The following LRPAP1 variants were observed in gnomAD, a reference collection of about 807,000 sequenced individuals.
LRPAP1 encodes the protein LDL receptor related protein associated protein 1.
Under a neutral mutation model 39.9 loss-of-function variants are expected in LRPAP1, and 41 were observed. That is an observed-to-expected ratio of 1.03 (90% CI 0.80 to 1.33). The LOEUF (loss-of-function observed/expected upper bound fraction) is 1.33, where lower values mean the gene tolerates loss of function less well. LRPAP1 is among the 40% of genes most tolerant of loss of function. The probability of loss-of-function intolerance (pLI) is 0.00; values close to 1 mark genes in which losing one functional copy is unlikely to be tolerated. For missense variants in LRPAP1, 565 were observed against 482.3 expected (o/e 1.17, Z -1.61); for synonymous variants, 263 against 212.7 (o/e 1.24, Z -2.06).
Position 3,503,888 on chromosome 4 carries a change from G to A in LRPAP1, c.*9086C>T, listed in dbSNP as rs902648038. 2 of 152,342 alleles carry A rather than the reference G, an allele frequency of 1.3e-5. No homozygotes were observed. The highest frequency in any genetic ancestry group is 4.8e-5 in the African/African-American group (2 of 41,470). 9.4% of individuals were successfully genotyped at this position (152,342 alleles called of 1,614,324 possible). On this transcript the variant is annotated 3_prime_UTR_variant, in exon 8 of 8. Transcript: ENST00000650182. The stretch of plus-strand genomic sequence containing the variant: ...ACAAGCCAGGAAGGTAGAAACAAGG[G>A]AGAAGTGAGGGACCCAGGGGCCCAG...
rs1282352063 is a variant in LRPAP1 at position 3,511,392 on chromosome 4, G to A, written c.*1582C>T. On this transcript the variant is annotated 3_prime_UTR_variant, in exon 8 of 8. Transcript: ENST00000650182. ...TGGAATACTATACAGCAATGAAAAG[G>A]AACACACTTCTGCTAGATGACAGGG... The A allele has an allele frequency of 6.6e-6, 1 of 152,088 alleles. No homozygotes were observed. Among genetic ancestry groups the A allele is most frequent in the Non-Finnish European group, 1.5e-5 (1 of 68,052 alleles). The allele number at this position is 152,088 out of a possible 1,614,324, so 9.4% of individuals were successfully genotyped here.
At chr4:3,518,352 G>A (rs867733914) in intron 4 of LRPAP1, among the ~76,000 whole-genome samples, 160 bp from the exon 5 acceptor site, 26 of 149,510 alleles carry the variant, frequency 1.7e-4, no homozygotes, top group Admixed American at 2.7e-4. Flanking sequence ...AGAAACGACC[G>A]TTGGCACAGC....
At chr4:3,514,987 G>T in intron 6 of LRPAP1, 59 bp from the exon 7 acceptor site, 1 of 1,579,716 alleles carries the variant, frequency 6.3e-7, no homozygotes, top group Non-Finnish European at 8.6e-7. Context: ...GCCATCTTGT[G>T]GTCCCGGGTG....
Position 3,507,014 on chromosome 4 carries a change from C to T in LRPAP1, c.*5960G>A, listed in dbSNP as rs563754932. 6.6e-4 allele frequency: 100 copies of T among 152,298 alleles called. No individual in the cohort carries two copies. The highest frequency in any genetic ancestry group is 2.4e-3 in the African/African-American group (98 of 41,534). 9.4% of individuals were successfully genotyped at this position (152,298 alleles called of 1,614,324 possible). ...GGTGAATCACTTGAGACCAGGACTC[C>T]GAGACCAGCCTGGGCAACACAGCGA... is the stretch of plus-strand genomic sequence containing the variant. On this transcript the variant is annotated 3_prime_UTR_variant, in exon 8 of 8. Transcript: ENST00000650182.
At chr4:3,520,847 C>T (rs1307330193) in intron 2 of LRPAP1, among the ~76,000 whole-genome samples, 1 of 152,226 alleles carries the variant, frequency 6.6e-6, no homozygotes, top group African/African-American at 2.4e-5. Context: ...TAGGATCTGC[C>T]CACGTGGTGC....
At chr4:3,527,243 C>T (rs1299084472) in intron 1 of LRPAP1, among the ~76,000 whole-genome samples, 1 of 152,164 alleles carries the variant, frequency 6.6e-6, no homozygotes, top group Non-Finnish European at 1.5e-5. Flanking sequence ...CAGCCCCATC[C>T]ACCCAGCCCC....
In LRPAP1 at chr4:3,520,308, T is replaced by A. The variant is rs999416752; in HGVS notation, c.350-115A>T. On this transcript the variant is annotated intron_variant, in intron 2 of 7. Transcript: ENST00000650182. ...AGGTTTGCCTCTCATTTTCCAGTAGTTTCCTTTCACCTGTTTCCTGGATGA... is the reference window on the plus strand; with the variant it reads ...AGGTTTGCCTCTCATTTTCCAGTAGATTCCTTTCACCTGTTTCCTGGATGA... The A allele has an allele frequency of 9.0e-6, 10 of 1,111,596 alleles. No individual in the cohort carries two copies. The Admixed American group carries it at 2.2e-4, about 25-fold the overall frequency. 68.9% of individuals were successfully genotyped at this position (1,111,596 alleles called of 1,614,324 possible). A position where few individuals can be genotyped will look rare whatever the true frequency, so the allele number is the denominator to read the frequency against.
At chr4:3,518,296 A>G in intron 4 of LRPAP1, 104 bp from the exon 5 acceptor site, 3 of 1,252,842 alleles carry the variant, frequency 2.4e-6, no homozygotes, top group Non-Finnish European at 3.3e-6. Context: ...ACTCGCTCTC[A>G]TTTCTGGGCT....
intron 2 of LRPAP1, among the ~76,000 whole-genome samples, chr4:3,522,476 C>A (rs1231921738): frequency 2.4e-5 from 3 of 126,482 alleles, no homozygotes; most frequent in Non-Finnish European, 5.2e-5. Context: ...GCCCTTAGAG[C>A]TCCTGGGGAG....
intron 5 of LRPAP1, among the ~76,000 whole-genome samples, chr4:3,517,249 T>G (rs1385172899): frequency 6.6e-6 from 1 of 152,226 alleles, no homozygotes; most frequent in East Asian, 1.9e-4. Flanking sequence ...GTGGACACAT[T>G]TGACTGCTGT....
At chr4:3,516,023 C>CT in intron 6 of LRPAP1, 93 bp downstream of exon 6, 3 of 1,214,670 alleles carry the variant, frequency 2.5e-6, no homozygotes, top group Non-Finnish European at 2.4e-6. Context: ...AGAGAGAGAG[C>CT]TTGGAGGAGA....
At chr4:3,519,150 C>T (rs186121275) in intron 3 of LRPAP1, among the ~76,000 whole-genome samples, 159 bp from the exon 4 acceptor site, 86 of 152,306 alleles carry the variant, frequency 5.6e-4, no homozygotes, top group Middle Eastern at 3.4e-3. Context: ...AAAAACAAAC[C>T]GGAGAAGAGC....
chr4:3,516,115 C>A lies in LRPAP1; in HGVS notation c.834+1G>T, dbSNP rs769691336. 4 of 1,570,322 alleles carry A rather than the reference C, an allele frequency of 2.5e-6. No homozygotes were observed. Among genetic ancestry groups the A allele is most frequent in the East Asian group, 4.6e-5 (2 of 43,246 alleles). ...AGAAGGAGAGGGCCGTGTTTCCTTA[C>A]CCGGAACGCCTCCAGCTCCTTGTCC... On this transcript the variant is annotated splice_donor_variant, in intron 6 of 7. Coordinates refer to ENST00000650182, the MANE Select transcript of LRPAP1 (RefSeq NM_002337.4). LOFTEE classifies it high-confidence loss of function.
In LRPAP1 at chr4:3,532,397, C is replaced by T. The variant is rs972906233; in HGVS notation, c.16G>A (p.Val6Ile). 6.3e-6 allele frequency: 10 copies of T among 1,577,796 alleles called. No homozygotes were observed. The highest frequency in any genetic ancestry group is 2.7e-5 in the African/African-American group (2 of 74,252). Reference sequence around the variant, plus strand: ...GGGAGCCCGCGCAGAAACGACCTGACCCTCCGCGGCGCCATCTTCCTCTGC... The same window carrying T: ...GGGAGCCCGCGCAGAAACGACCTGATCCTCCGCGGCGCCATCTTCCTCTGC... MAPRR[V>I]RSFLRGLPAL... Residue 6 changes from valine (V) to isoleucine (I), a missense_variant, in exon 1 of 8, where the codon GTC (valine) becomes ATC (isoleucine). Physicochemically the swap from Val to Ile is conservative, Grantham distance 29 (BLOSUM62 3). Transcript: ENST00000650182.
chr4:3,530,391 C>A (rs984500622), intron 1 of LRPAP1, among the ~76,000 whole-genome samples: 1 of 152,238 alleles, frequency 6.6e-6, no homozygotes, highest in African/African-American at 2.4e-5. Flanking sequence ...TAGTACCAGG[C>A]TCTCTGGAAT....
At position 3,532,405 on chromosome 4, in the gene LRPAP1, G is replaced by GGCGCCATCTTCCTCTGCGACTGGCGCT; in HGVS notation, c.7_8insAGCGCCAGTCGCAGAGGAAGATGGCGC (p.Ala2_Pro3insGlnArgGlnSerGlnArgLysMetAla). The GGCGCCATCTTCCTCTGCGACTGGCGCT allele has an allele frequency of 1.9e-6, 3 of 1,571,650 alleles. No individual in the cohort carries two copies. Among genetic ancestry groups the GGCGCCATCTTCCTCTGCGACTGGCGCT allele is most frequent in the Non-Finnish European group, 2.6e-6 (3 of 1,160,314 alleles). On this transcript the variant is annotated inframe_insertion, in exon 1 of 8. Transcript: ENST00000650182. ...GCGCAGAAACGACCTGACCCTCCGC[G>GGCGCCATCTTCCTCTGCGACTGGCGCT]GCGCCATCTTCCTCTGCGACTGGCG...
intron 2 of LRPAP1, among the ~76,000 whole-genome samples, 162 bp downstream of exon 2, chr4:3,524,745 G>A (rs1183640238): frequency 6.6e-6 from 1 of 152,230 alleles, no homozygotes; most frequent in Non-Finnish European, 1.5e-5. Flanking sequence ...AGCTTTCTGG[G>A]CACTCAGGAT....
chr4:3,518,933 AG>A lies in LRPAP1; in HGVS notation c.529del (p.Leu177CysfsTer17), dbSNP rs759079938. On this transcript the variant is annotated frameshift_variant, in exon 4 of 8. Coordinates refer to ENST00000650182, the MANE Select transcript of LRPAP1 (RefSeq NM_002337.4). LOFTEE classifies it high-confidence loss of function. ...EELDKLWREF[L>X]HHKEKVHEYN... is the part of the protein sequence containing the mutation. ...CTCGTGAACTTTCTCTTTGTGATGC[AG>A]GAACTCCCGCCAGAGCTTGTCCAGT... 100 of 1,613,878 alleles carry A rather than the reference AG, an allele frequency of 6.2e-5. No homozygotes were observed. The highest frequency in any genetic ancestry group is 8.1e-5 in the Non-Finnish European group (95 of 1,179,986).
At chr4:3,517,955 G>C in intron 5 of LRPAP1, 79 bp downstream of exon 5, 1 of 1,508,012 alleles carries the variant, frequency 6.6e-7, no homozygotes, top group Non-Finnish European at 8.9e-7. Flanking sequence ...GTCGCTACAA[G>C]CACCTGCCTG....
Sources: allele counts gnomAD v4.1 joint callset (sites outside exome capture counted in the v4.1 genomes callset), GRCh38; gene constraint gnomAD v4.1.1; transcripts MANE v1.5; gene names NCBI Gene and HGNC (gene_info 2026-07-23, HGNC 2026-07-21).